The following TTC28 variants were observed in gnomAD, a reference collection of about 807,000 sequenced individuals.
TTC28 encodes tetratricopeptide repeat protein 28.
Under a neutral mutation model 198.0 loss-of-function variants are expected in TTC28, and 61 were observed. The observed-to-expected ratio is 0.31, with a 90% confidence interval of 0.25 to 0.38. The LOEUF (loss-of-function observed/expected upper bound fraction) is 0.38, where lower values mean the gene tolerates loss of function less well. Among genes scored for constraint, TTC28 ranks in the 10% least tolerant of loss-of-function variants. TTC28 has a pLI of 1.00. For missense variants in TTC28, 2,678 were observed against 3,164.0 expected (o/e 0.85, Z 3.69); for synonymous variants, 1,171 against 1,297.8 (o/e 0.90, Z 2.10).
At chr22:28,186,480 C>G (rs955185419) in intron 5 of TTC28, among the ~76,000 whole-genome samples, 5 of 152,080 alleles carry the variant, frequency 3.3e-5, no homozygotes, top group Non-Finnish European at 7.4e-5. Flanking sequence ...TAAGTTTATT[C>G]CATTCAGGGA....
intron 2 of TTC28, among the ~76,000 whole-genome samples, chr22:28,618,011 G>A (rs964899763): frequency 3.3e-5 from 5 of 152,272 alleles, no homozygotes; most frequent in South Asian, 4.1e-4. Context: ...GGTGGCTCAC[G>A]CCTGCAATCC....
chr22:28,530,984 G>A (rs1004417226), intron 2 of TTC28, among the ~76,000 whole-genome samples: 1 of 152,170 alleles, frequency 6.6e-6, no homozygotes, highest in African/African-American at 2.4e-5. Context: ...TTGATGCTAG[G>A]AAGAAACTGC....
chr22:28,558,344 T>C (rs951542905), intron 2 of TTC28, among the ~76,000 whole-genome samples: 1 of 152,202 alleles, frequency 6.6e-6, no homozygotes, highest in African/African-American at 2.4e-5. Flanking sequence ...TGTCAAGTAG[T>C]ACCTCACTGA....
chr22:28,427,493 A>C (rs2047366970), intron 2 of TTC28, among the ~76,000 whole-genome samples: 1 of 151,886 alleles, frequency 6.6e-6, no homozygotes, highest in Admixed American at 6.6e-5. Context: ...TCTACTAAAC[A>C]TACAAAAAAT....
intron 2 of TTC28, among the ~76,000 whole-genome samples, chr22:28,370,739 T>C (rs1002210131): frequency 6.6e-6 from 1 of 152,068 alleles, no homozygotes; most frequent in Non-Finnish European, 1.5e-5. Flanking sequence ...GAGACACCCA[T>C]GGTTCAAGAA....
chr22:28,124,167 C>T (rs367716335), intron 6 of TTC28, among the ~76,000 whole-genome samples: 3 of 70,000 alleles, frequency 4.3e-5, no homozygotes, highest in African/African-American at 1.1e-4. Context: ...ACTTATCTCT[C>T]TTTGTTGTTG....
intron 6 of TTC28, among the ~76,000 whole-genome samples, chr22:28,114,637 T>C (rs1942585068): frequency 6.6e-6 from 1 of 151,394 alleles, no homozygotes; most frequent in African/African-American, 2.4e-5. Flanking sequence ...TGGAGTGCAG[T>C]GGCATGATCA....
chr22:27,997,021 G>A (rs1175678554), intron 16 of TTC28, among the ~76,000 whole-genome samples: 1 of 152,240 alleles, frequency 6.6e-6, no homozygotes, highest in Non-Finnish European at 1.5e-5. Flanking sequence ...AAGGGGCCAG[G>A]TCCCCACAAG....
chr22:28,679,105 G>A (rs1454171731), intron 1 of TTC28, among the ~76,000 whole-genome samples: 1 of 152,240 alleles, frequency 6.6e-6, no homozygotes, highest in African/African-American at 2.4e-5. Context: ...AAGCTGAGGT[G>A]GGTGGAACGC....
chr22:28,076,972 T>C (rs1200518231), intron 12 of TTC28, among the ~76,000 whole-genome samples: 3 of 152,280 alleles, frequency 2.0e-5, no homozygotes, highest in East Asian at 3.9e-4. Flanking sequence ...AAAAGTGTAT[T>C]TTTATTTTTG....
chr22:28,329,975 G>A lies in TTC28; in HGVS notation c.382-23332C>T, dbSNP rs147264775. Among the ~76,000 whole-genome samples the A allele has an allele frequency of 3.9e-3, 587 of 152,204 alleles. 7 individuals carry two copies. Among genetic ancestry groups the A allele is most frequent in the South Asian group, 0.03 (147 of 4,832 alleles). On this transcript the variant is annotated intron_variant, in intron 2 of 22. Transcript: ENST00000397906. ...AATTCAGTGAATTTCATTTTGCTTA[G>A]AGCCTACTTAGTCCCTGCCAACAGG...
At chr22:28,447,132 T>G (rs1210946091) in intron 2 of TTC28, among the ~76,000 whole-genome samples, 1 of 152,166 alleles carries the variant, frequency 6.6e-6, no homozygotes, top group African/African-American at 2.4e-5. Flanking sequence ...AACCTACAAT[T>G]GCTTTAAGAG....
At position 27,996,221 on chromosome 22, in the gene TTC28, G is replaced by T. The variant is rs780374933; in HGVS notation, c.5158C>A (p.Pro1720Thr). 52 of 1,551,110 alleles carry T rather than the reference G, an allele frequency of 3.4e-5. No individual in the cohort carries two copies. Among genetic ancestry groups the T allele is most frequent in the Non-Finnish European group, 4.2e-5 (48 of 1,147,012 alleles). Residue 1720 changes from proline (P) to threonine (T), a missense_variant, in exon 17 of 23, where the codon CCC (proline) becomes ACC (threonine). By Grantham distance (38) the Pro-to-Thr change is conservative (BLOSUM62 -1). Coordinates refer to ENST00000397906, the MANE Select transcript of TTC28 (RefSeq NM_001145418.2). ...AGGGCCTGGCCGATGAGTGATGAGG[G>T]GCTGTTCAGCTTAACGTCACTCCCG... ...LIGSDVKLNS[P>T]SSLIGQALTE...
chr22:28,269,337 C>T (rs1247113636), intron 5 of TTC28, among the ~76,000 whole-genome samples: 1 of 152,064 alleles, frequency 6.6e-6, no homozygotes, highest in Non-Finnish European at 1.5e-5. Flanking sequence ...AGAAACATTG[C>T]TTTACTCTCT....
At chr22:28,180,832 A>G (rs960775306) in intron 5 of TTC28, among the ~76,000 whole-genome samples, 2 of 152,244 alleles carry the variant, frequency 1.3e-5, no homozygotes, top group African/African-American at 4.8e-5. Context: ...GAAATTTTTA[A>G]TTACATGGTC....
intron 2 of TTC28, among the ~76,000 whole-genome samples, chr22:28,520,005 A>G (rs2048870086): frequency 6.6e-6 from 1 of 152,238 alleles, no homozygotes; most frequent in African/African-American, 2.4e-5. Flanking sequence ...ATATCTGTAA[A>G]TAATACACTA....
intron 2 of TTC28, among the ~76,000 whole-genome samples, chr22:28,615,514 GC>G (rs2050889583): frequency 1.3e-5 from 2 of 152,144 alleles, no homozygotes; most frequent in Admixed American, 6.5e-5. Flanking sequence ...GTTTATTGCA[GC>G]ACTATTCACA....
chr22:28,353,000 T>C (rs147972797), intron 2 of TTC28, among the ~76,000 whole-genome samples: 2 of 152,120 alleles, frequency 1.3e-5, no homozygotes, highest in East Asian at 1.9e-4. Flanking sequence ...TTCATTGGGG[T>C]AGGGAACCTC....
chr22:28,243,211 A>AAAAAAAAAAAAAAAC, intron 5 of TTC28, among the ~76,000 whole-genome samples: 2 of 129,518 alleles, frequency 1.5e-5, no homozygotes, highest in South Asian at 2.7e-4. Flanking sequence ...AAAAAAAAAA[A>AAAAAAAAAAAAAAAC]AACTAGCCAG....
Sources: allele counts gnomAD v4.1 joint callset (sites outside exome capture counted in the v4.1 genomes callset), GRCh38; gene constraint gnomAD v4.1.1; transcripts MANE v1.5; gene names NCBI Gene and HGNC (gene_info 2026-07-23, HGNC 2026-07-21).